The following MICALL1 variants were observed in gnomAD, a reference collection of about 807,000 sequenced individuals.
MICALL1 encodes MICAL like 1.
A neutral mutation model predicts 83.7 loss-of-function variants in MICALL1; 61 were observed. That is an observed-to-expected ratio of 0.73 (90% CI 0.59 to 0.90). The LOEUF (loss-of-function observed/expected upper bound fraction) is 0.90. Ranked by LOEUF, MICALL1 falls within the 40% of genes least tolerant of loss-of-function variation. MICALL1 has a pLI of 0.00. For synonymous variants in MICALL1, 481 were observed against 473.6 expected, an observed-to-expected ratio of 1.02 and a Z score of -0.20; for missense variants, 1,066 against 1,152.0, an observed-to-expected ratio of 0.93 and a Z score of 1.08.
Position 37,906,687 on chromosome 22 carries a change from G to A in MICALL1, c.146+119G>A. On this transcript the variant is annotated intron_variant, in intron 1 of 15. Coordinates refer to ENST00000215957, the MANE Select transcript of MICALL1 (RefSeq NM_033386.4). The surrounding 1 kb of genome is among the most constrained non-coding windows in gnomAD (Gnocchi z 4.4). ...AGGCGCCGCCCCCGGACACGGAGACGCCGACCCCCCCGACGGCCCCGGACG... is the reference window on the plus strand; with the variant it reads ...AGGCGCCGCCCCCGGACACGGAGACACCGACCCCCCCGACGGCCCCGGACG... 2.1e-6 allele frequency: 2 copies of A among 946,274 alleles called. No individual in the cohort carries two copies. Among genetic ancestry groups the A allele is most frequent in the Non-Finnish European group, 2.6e-6 (2 of 761,330 alleles). 58.6% of individuals were successfully genotyped at this position (946,274 alleles called of 1,614,324 possible). A position where few individuals can be genotyped will look rare whatever the true frequency, so the allele number is the denominator to read the frequency against.
In MICALL1 at chr22:37,932,710, T is replaced by C. The variant is rs887265536; in HGVS notation, c.2143+31T>C. ...GGAGCGGCTGGGAGGGCCTGCTGGG[T>C]GGGGCTGGGGGCAGGAGCCTCTATT... On this transcript the variant is annotated intron_variant, in intron 11 of 15. Coordinates refer to ENST00000215957, the MANE Select transcript of MICALL1 (RefSeq NM_033386.4). This position sits in a 1 kb window ranked among gnomAD's most constrained non-coding sequence, Gnocchi z 4.4. 6.2e-7 allele frequency: 1 copy of C among 1,608,860 alleles called. No homozygotes were observed. The highest frequency in any genetic ancestry group is 2.2e-5 in the East Asian group (1 of 44,538).
rs1200947338 is a variant in MICALL1 at position 37,930,069 on chromosome 22, G to C, written c.1882-1730G>C. Among the ~76,000 whole-genome samples the C allele has an allele frequency of 6.6e-6, 1 of 152,258 alleles. No homozygotes were observed. Among genetic ancestry groups the C allele is most frequent in the Non-Finnish European group, 1.5e-5 (1 of 68,050 alleles). On this transcript the variant is annotated intron_variant, in intron 9 of 15. Transcript: ENST00000215957. The surrounding 1 kb of genome is among the most constrained non-coding windows in gnomAD (Gnocchi z 4.8). ...TCGAAAGACCCCCTGGTTCCTTGGTGGTGGAGGGCACGGGGGTGGGTCACC... is the reference window on the plus strand; with the variant it reads ...TCGAAAGACCCCCTGGTTCCTTGGTCGTGGAGGGCACGGGGGTGGGTCACC...
In MICALL1 at chr22:37,932,433, TG is replaced by T; in HGVS notation, c.2017-116del. On this transcript the variant is annotated intron_variant, in intron 10 of 15. Transcript: ENST00000215957. This position sits in a 1 kb window ranked among gnomAD's most constrained non-coding sequence, Gnocchi z 4.4. ...CTGGGACCCTGCCTTCTTACCATGC[TG>T]GGGTGGGGGACAGGGCCCGGGCCCT... is the stretch of plus-strand genomic sequence containing the variant. The T allele has an allele frequency of 6.8e-7, 1 of 1,477,036 alleles. No individual in the cohort carries two copies. Among genetic ancestry groups the T allele is most frequent in the Non-Finnish European group, 9.1e-7 (1 of 1,097,066 alleles). The allele number at this position is 1,477,036 out of a possible 1,614,324, so 91.5% of individuals were successfully genotyped here. A position where few individuals can be genotyped will look rare whatever the true frequency, so the allele number is the denominator to read the frequency against.
chr22:37,939,355 T>C (rs1301391760), intron 15 of MICALL1, among the ~76,000 whole-genome samples: 2 of 152,246 alleles, frequency 1.3e-5, no homozygotes, highest in Non-Finnish European at 2.9e-5. Context: ...TTCAAAGGCC[T>C]ACATTTTCCT....
intron 13 of MICALL1, among the ~76,000 whole-genome samples, chr22:37,936,615 G>A (rs192229818): frequency 3.3e-3 from 498 of 152,298 alleles, no homozygotes; most frequent in Admixed American, 6.4e-3. Context: ...GGCCCTGGCC[G>A]GGCGCGGTGG....
At chr22:37,934,581 G>A (rs1395508897) in intron 13 of MICALL1, among the ~76,000 whole-genome samples, 2 of 148,304 alleles carry the variant, frequency 1.3e-5, no homozygotes, top group African/African-American at 4.9e-5. Context: ...TTGGGGGGGG[G>A]TATTTATTTA....
chr22:37,931,701 A>G, intron 9 of MICALL1, 98 bp from the exon 10 acceptor site: 1 of 1,454,574 alleles, frequency 6.9e-7, no homozygotes, highest in Non-Finnish European at 9.4e-7. Context: ...CTGGCCCTGG[A>G]GTGCTGGCCT....
At chr22:37,927,245 C>T (rs1276922941) in intron 8 of MICALL1, 166 bp from the exon 9 acceptor site, 7 of 785,036 alleles carry the variant, frequency 8.9e-6, no homozygotes, top group Middle Eastern at 3.9e-4. Context: ...TCATGACTTC[C>T]GTCCTGCCGG....
chr22:37,922,493 T>G (rs1929115200), intron 6 of MICALL1, 67 bp downstream of exon 6: 1 of 1,242,312 alleles, frequency 8.0e-7, no homozygotes, highest in Non-Finnish European at 1.1e-6. Flanking sequence ...AAAGTCTGTG[T>G]GTCTGGGAGT....
chr22:37,911,263 C>T (rs1928306691), intron 1 of MICALL1, among the ~76,000 whole-genome samples: 1 of 152,244 alleles, frequency 6.6e-6, no homozygotes, highest in Non-Finnish European at 1.5e-5. Flanking sequence ...CCAGCAGCTC[C>T]GGAGTATGTA....
At chr22:37,926,406 G>A (rs1929442556) in intron 8 of MICALL1, among the ~76,000 whole-genome samples, 1 of 152,170 alleles carries the variant, frequency 6.6e-6, no homozygotes, top group South Asian at 2.1e-4. Context: ...TGGAAAGGAG[G>A]CGTTTGCTTG....
rs897601392 is a variant in MICALL1 at position 37,933,054 on chromosome 22, C to T, written c.2250C>T (p.Asn750=). 2.5e-6 allele frequency: 4 copies of T among 1,613,852 alleles called. No homozygotes were observed. The highest frequency in any genetic ancestry group is 2.7e-5 in the African/African-American group (2 of 74,880). Residue 750 remains asparagine (N), a synonymous_variant, in exon 13 of 16, where the codon AAC becomes AAT. Coordinates refer to ENST00000215957, the MANE Select transcript of MICALL1 (RefSeq NM_033386.4). ...CCACCCCTAGCTTCAAGCAGCAGAA[C>T]CTGGAGCAGCGCCAGGCTGATGTCG... ...SELIYVFKQQ[N]LEQRQADVEY... is the part of the protein sequence containing the mutation.
intron 15 of MICALL1, 52 bp downstream of exon 15, chr22:37,937,844 G>A: frequency 1.9e-6 from 3 of 1,609,514 alleles, no homozygotes. Context: ...TTCGGCATTG[G>A]GGTTGGAAGG....
Position 37,933,956 on chromosome 22 carries a change from C to T in MICALL1, c.2308+844C>T, listed in dbSNP as rs189598627. ...TGGTGGCAGGGGAACTGTCTACTGA[C>T]TGGGGAATTTGGGAGGCTGGAGTGT... On this transcript the variant is annotated intron_variant, in intron 13 of 15. Coordinates refer to ENST00000215957, the MANE Select transcript of MICALL1 (RefSeq NM_033386.4). 3.2e-3 allele frequency among the ~76,000 whole-genome samples: 480 copies of T among 152,336 alleles called. 4 individuals carry two copies. Among genetic ancestry groups the T allele is most frequent in the African/African-American group, 0.011 (461 of 41,576 alleles).
intron 13 of MICALL1, 56 bp downstream of exon 13, chr22:37,933,168 A>AG: frequency 6.4e-7 from 1 of 1,572,342 alleles, no homozygotes; most frequent in Non-Finnish European, 8.7e-7. Context: ...GGTGACACGG[A>AG]GGAGTGGGGG....
At chr22:37,933,782 C>T (rs929774367) in intron 13 of MICALL1, among the ~76,000 whole-genome samples, 1 of 152,202 alleles carries the variant, frequency 6.6e-6, no homozygotes, top group African/African-American at 2.4e-5. Flanking sequence ...AGGCATGGTG[C>T]CAGCCCTGGG....
intron 6 of MICALL1, among the ~76,000 whole-genome samples, chr22:37,923,177 C>G (rs1332258398): frequency 6.6e-6 from 1 of 150,592 alleles, no homozygotes; most frequent in Non-Finnish European, 1.5e-5. Context: ...GTGATCTGCC[C>G]ACCTCAGCCT....
rs573626899 is a variant in MICALL1, at chr22:37,930,067, G to A, written c.1882-1732G>A. ...GCTCGAAAGACCCCCTGGTTCCTTG[G>A]TGGTGGAGGGCACGGGGGTGGGTCA... On this transcript the variant is annotated intron_variant, in intron 9 of 15. Coordinates refer to ENST00000215957, the MANE Select transcript of MICALL1 (RefSeq NM_033386.4). The surrounding 1 kb of genome is among the most constrained non-coding windows in gnomAD (Gnocchi z 4.8). Among the ~76,000 whole-genome samples, 18 of 152,350 alleles carry A rather than the reference G, an allele frequency of 1.2e-4. No individual in the cohort carries two copies. The highest frequency in any genetic ancestry group is 4.3e-4 in the African/African-American group (18 of 41,598).
chr22:37,910,436 G>A (rs1206944052), intron 1 of MICALL1, among the ~76,000 whole-genome samples: 1 of 152,078 alleles, frequency 6.6e-6, no homozygotes, highest in Non-Finnish European at 1.5e-5. Flanking sequence ...GTACCATGGT[G>A]TTTTCCTCGC....
Sources: allele counts gnomAD v4.1 joint callset (sites outside exome capture counted in the v4.1 genomes callset), GRCh38; gene constraint gnomAD v4.1.1; non-coding constraint Gnocchi (gnomAD v3.1); transcripts MANE v1.5; gene names NCBI Gene and HGNC (gene_info 2026-07-23, HGNC 2026-07-21).